Variants in VTI1A observed in about 807,000 individuals in gnomAD.
VTI1A encodes the protein vesicle transport through interaction with t-SNAREs homolog 1A.
In VTI1A, 22 loss-of-function variants were observed where a neutral mutation model predicts 34.9. The observed-to-expected ratio is 0.63, with a 90% CI of 0.45 to 0.90. VTI1A has a LOEUF of 0.90. VTI1A is among the 40% of genes least tolerant of loss of function. The pLI is 0.00. For synonymous variants in VTI1A, 87 were observed against 97.3 expected (o/e 0.89, Z 0.62); for missense variants, 268 against 275.6 (o/e 0.97, Z 0.20).
At chr10:112,617,182 A>G (rs1845540770) in intron 5 of VTI1A, among the ~76,000 whole-genome samples, 1 of 152,222 alleles carries the variant, frequency 6.6e-6, no homozygotes, top group Non-Finnish European at 1.5e-5. Flanking sequence ...GGCAAATTAG[A>G]TTGAAAGTAG....
intron 7 of VTI1A, among the ~76,000 whole-genome samples, chr10:112,708,462 A>C (rs1032584009): frequency 6.6e-6 from 1 of 152,246 alleles, no homozygotes; most frequent in Non-Finnish European, 1.5e-5. Context: ...GGTCCCATGT[A>C]TTTCTTACAT....
intron 7 of VTI1A, among the ~76,000 whole-genome samples, chr10:112,766,516 G>A (rs1375047652): frequency 2.0e-5 from 3 of 152,166 alleles, no homozygotes; most frequent in Admixed American, 1.3e-4. Context: ...CACTTGAAGA[G>A]GAAACCATTG....
At chr10:112,591,518 TCACACA>T (rs61256241) in intron 5 of VTI1A, among the ~76,000 whole-genome samples, 2 of 150,710 alleles carry the variant, frequency 1.3e-5, no homozygotes, top group Non-Finnish European at 3.0e-5. Flanking sequence ...AGACTCCGTC[TCACACA>T]CACACACACA....
chr10:112,730,551 T>C (rs1850213237), intron 7 of VTI1A, among the ~76,000 whole-genome samples: 1 of 151,852 alleles, frequency 6.6e-6, no homozygotes, highest in Non-Finnish European at 1.5e-5. Context: ...TTTTCCTATG[T>C]ATTACAACAT....
chr10:112,641,572 C>T (rs764393877), intron 5 of VTI1A, among the ~76,000 whole-genome samples: 9 of 152,098 alleles, frequency 5.9e-5, no homozygotes, highest in Non-Finnish European at 1.3e-4. Context: ...GGCAGAAACT[C>T]CCAACAGCAG....
At chr10:112,848,200 G>T in the VTI1A span, among the ~76,000 whole-genome samples, 1 of 152,202 alleles carries the variant, frequency 6.6e-6, no homozygotes, top group Non-Finnish European at 1.5e-5. Context: ...TCAGTTGCTT[G>T]TAGTTCTGTA....
chr10:112,811,834 C>T (rs763756019), intron 7 of VTI1A, among the ~76,000 whole-genome samples: 14 of 152,126 alleles, frequency 9.2e-5, no homozygotes, highest in Admixed American at 5.9e-4. Flanking sequence ...GGTGCAGTGC[C>T]GCGCCTGTCC....
intron 7 of VTI1A, among the ~76,000 whole-genome samples, chr10:112,702,148 A>G (rs1375582856): frequency 1.3e-5 from 2 of 152,182 alleles, no homozygotes; most frequent in Non-Finnish European, 2.9e-5. Context: ...GGGCTGCAAT[A>G]TCTTCCTCCT....
At chr10:112,681,095 A>T (rs1385674513) in intron 7 of VTI1A, among the ~76,000 whole-genome samples, 65 of 149,802 alleles carry the variant, frequency 4.3e-4, no homozygotes, top group Admixed American at 1.2e-3. Flanking sequence ...TTTTTTTTAA[A>T]GGGACAGGGT....
chr10:112,731,393 C>G (rs1850252020), intron 7 of VTI1A, among the ~76,000 whole-genome samples: 1 of 152,066 alleles, frequency 6.6e-6, no homozygotes, highest in Admixed American at 6.6e-5. Context: ...CCCAACATGG[C>G]GAAACCCCAT....
intron 7 of VTI1A, among the ~76,000 whole-genome samples, chr10:112,813,380 G>C (rs1853387335): frequency 6.6e-6 from 1 of 152,204 alleles, no homozygotes; most frequent in African/African-American, 2.4e-5. Flanking sequence ...ACACACTACT[G>C]TAGATTACTT....
chr10:112,742,326 AT>A (rs1262699305), intron 7 of VTI1A, among the ~76,000 whole-genome samples: 1 of 152,178 alleles, frequency 6.6e-6, no homozygotes, highest in Admixed American at 6.5e-5. Flanking sequence ...AGCAATCCTT[AT>A]TTTAGATGTG....
At chr10:112,810,576 G>T (rs772597913) in intron 7 of VTI1A, among the ~76,000 whole-genome samples, 1 of 151,996 alleles carries the variant, frequency 6.6e-6, no homozygotes, top group Non-Finnish European at 1.5e-5. Context: ...AGGTGACCCC[G>T]CATTTCAAGC....
chr10:112,741,165 C>A (rs1175211508), intron 7 of VTI1A, among the ~76,000 whole-genome samples: 1 of 152,088 alleles, frequency 6.6e-6, no homozygotes, highest in Admixed American at 6.6e-5. Flanking sequence ...TTAAGAGTGA[C>A]TATTAATGGG....
intron 4 of VTI1A, among the ~76,000 whole-genome samples, chr10:112,527,706 CATAATAATAATA>C (rs57108083): frequency 1.8e-4 from 26 of 147,090 alleles, no homozygotes; most frequent in Admixed American, 1.1e-3. Context: ...AAATAATAGT[CATAATAATAATA>C]ATAATAATAA....
chr10:112,627,165 C>T lies in VTI1A; in HGVS notation c.428-41053C>T, dbSNP rs141233524. Among the ~76,000 whole-genome samples the T allele has an allele frequency of 2.9e-3, 445 of 152,280 alleles. 1 individual carries two copies. Among genetic ancestry groups the T allele is most frequent in the African/African-American group, 0.01 (424 of 41,540 alleles). On this transcript the variant is annotated intron_variant, in intron 5 of 7. Coordinates refer to ENST00000393077, the MANE Select transcript of VTI1A (RefSeq NM_145206.4). ...TGATTTTTAAAAAATAAAAATTCCT[C>T]CTACCCAACCCTATTCAGAATCTCT...
Position 112,542,775 on chromosome 10 carries a change from A to C in VTI1A, c.427+4445A>C, listed in dbSNP as rs527534059. Among the ~76,000 whole-genome samples the C allele has an allele frequency of 1.6e-4, 25 of 152,238 alleles. No homozygotes were observed. In the South Asian group the frequency reaches 4.8e-3, roughly 29 times the overall value. On this transcript the variant is annotated intron_variant, in intron 5 of 7. Transcript: ENST00000393077. ...AAAACAAGTTAGAGAGAGATTAAGTAATTATGTCCACACTTACAAACCTAG... is the reference window on the plus strand; with the variant it reads ...AAAACAAGTTAGAGAGAGATTAAGTCATTATGTCCACACTTACAAACCTAG...
At chr10:112,722,100 A>G (rs748251961) in intron 7 of VTI1A, among the ~76,000 whole-genome samples, 13 of 152,218 alleles carry the variant, frequency 8.5e-5, no homozygotes, top group Admixed American at 2.6e-4. Context: ...TTATCCTGCA[A>G]TGTTAAGGGT....
At chr10:112,519,280 C>T (rs2134202519) in intron 3 of VTI1A, among the ~76,000 whole-genome samples, 1 of 152,234 alleles carries the variant, frequency 6.6e-6, no homozygotes, top group East Asian at 1.9e-4. Context: ...TGCGGCTCCT[C>T]TCTGAGCCAT....
Sources: gnomAD v4.1 joint callset for allele counts (sites outside exome capture counted in the v4.1 genomes callset) on GRCh38, gnomAD v4.1.1 for gene constraint, MANE v1.5 for transcripts, NCBI Gene and HGNC (gene_info 2026-07-23, HGNC 2026-07-21) for gene names.